Variants in KDM8 observed in about 807,000 individuals in gnomAD.
The protein encoded by KDM8 is lysine demethylase 8, also known as bifunctional peptidase and arginyl-hydroxylase JMJD5.
Under a neutral mutation model 46.9 loss-of-function variants are expected in KDM8, and 35 were observed. That is an observed-to-expected ratio of 0.75 (90% CI 0.57 to 0.99). The LOEUF (loss-of-function observed/expected upper bound fraction) is 0.99, where lower values mean the gene tolerates loss of function less well. Ranked by LOEUF, KDM8 falls within the 50% of genes least tolerant of loss-of-function variation. The probability of loss-of-function intolerance (pLI) is 0.00; values close to 1 mark genes in which losing one functional copy is unlikely to be tolerated. For synonymous variants in KDM8, 232 were observed against 227.7 expected (o/e 1.02, Z -0.17); for missense variants, 475 against 537.0 (o/e 0.88, Z 1.14).
At chr16:27,213,303 T>G (rs919709868) in intron 2 of KDM8, 2 of 313,912 alleles carry the variant, frequency 6.4e-6, no homozygotes, top group South Asian at 4.0e-5. Flanking sequence ...CTTAAGATGG[T>G]GAAGTTGGAG....
intron 1 of KDM8, chr16:27,204,136 G>C (rs1456776342): frequency 6.5e-7 from 1 of 1,541,654 alleles, no homozygotes; most frequent in African/African-American, 1.4e-5. Flanking sequence ...GCTGAGGAGG[G>C]AAGGGGGTCT....
Position 27,210,503 on chromosome 16 carries a change from T to C in KDM8, c.380T>C (p.Leu127Pro). 6.4e-7 allele frequency: 1 copy of C among 1,565,640 alleles called. No individual in the cohort carries two copies. The highest frequency in any genetic ancestry group is 1.2e-5 in the South Asian group (1 of 83,912). The part of the protein sequence containing the change: ...AAALRVCDMG[L>P]LMGAAILGDI... ...GCCCTGCGGGTCTGTGACATGGGCC[T>C]GCTGATGGGGGCAGCCATCCTGGGG... is the stretch of plus-strand genomic sequence containing the variant. The change falls in exon 2 of 8, where the codon CTG (leucine) becomes CCG (proline). Residue 127 changes from leucine (L) to proline (P), a missense_variant. Leu to Pro is a moderately conservative substitution (Grantham distance 98, BLOSUM62 -3). Transcript: ENST00000286096.
chr16:27,206,612 T>G (rs1222433301), intron 1 of KDM8, among the ~76,000 whole-genome samples: 1 of 152,212 alleles, frequency 6.6e-6, no homozygotes, highest in Non-Finnish European at 1.5e-5. Context: ...TGAGGAGTTC[T>G]GGGAAGCCAA....
Position 27,219,023 on chromosome 16 carries a change from G to A in KDM8, c.906G>A (p.Glu302=). 6 of 1,614,014 alleles carry A rather than the reference G, an allele frequency of 3.7e-6. No homozygotes were observed. The highest frequency in any genetic ancestry group is 5.1e-6 in the Non-Finnish European group (6 of 1,179,956). ...ACTGCAGCCTGGGCGATGGGGAGGA[G>A]GAGGAAATCACCATCAATGCCTGGT... ...PDYCSLGDGE[E]EEITINAWFG... The change falls in exon 6 of 8, where the codon GAG becomes GAA. Residue 302 remains glutamate (E), a synonymous_variant. Coordinates refer to ENST00000286096, the MANE Select transcript of KDM8 (RefSeq NM_024773.3).
rs371657881 is a variant in KDM8 at position 27,216,305 on chromosome 16, C to T, written c.843+316C>T. On this transcript the variant is annotated intron_variant, in intron 5 of 7. Transcript: ENST00000286096. The stretch of plus-strand genomic sequence containing the variant: ...GCTGGCAGGTGGAGCAGTTCAAGAC[C>T]GGTGTGAACCACCGAGCCCTGGACG... Among the ~76,000 whole-genome samples, 14 of 151,984 alleles carry T rather than the reference C, an allele frequency of 9.2e-5. No homozygotes were observed. In the East Asian group the frequency reaches 2.1e-3, roughly 23 times the overall value.
At chr16:27,219,460 G>A (rs1040797534) in intron 6 of KDM8, among the ~76,000 whole-genome samples, 1 of 152,230 alleles carries the variant, frequency 6.6e-6, no homozygotes, top group Non-Finnish European at 1.5e-5. Flanking sequence ...TGGCAGGTTG[G>A]GGGAGGAGTT....
intron 1 of KDM8, 48 bp from the exon 2 acceptor site, chr16:27,210,045 A>T: frequency 6.6e-7 from 1 of 1,514,096 alleles, no homozygotes; most frequent in African/African-American, 1.4e-5. Flanking sequence ...TGCACAGGGG[A>T]TCAGGTCTGT....
chr16:27,220,363 C>T (rs1227696246), intron 6 of KDM8, 30 bp from the exon 7 acceptor site: 3 of 1,596,938 alleles, frequency 1.9e-6, no homozygotes, highest in Middle Eastern at 1.7e-4. Context: ...AGTGAGGCCA[C>T]CAGCTGACTG....
chr16:27,205,503 A>G (rs1481233539), intron 1 of KDM8, among the ~76,000 whole-genome samples: 1 of 152,234 alleles, frequency 6.6e-6, no homozygotes, highest in East Asian at 1.9e-4. Flanking sequence ...AGCCCACTCA[A>G]GCTGTTTCTA....
At chr16:27,208,755 T>C (rs2083451178) in intron 1 of KDM8, among the ~76,000 whole-genome samples, 1 of 152,164 alleles carries the variant, frequency 6.6e-6, no homozygotes, top group African/African-American at 2.4e-5. Context: ...GCCTAGTGGA[T>C]AAGTCCATGC....
chr16:27,215,819 A>G, intron 4 of KDM8, 126 bp from the exon 5 acceptor site: 10 of 970,890 alleles, frequency 1.0e-5, no homozygotes, highest in Non-Finnish European at 1.7e-6. Context: ...GGAGAGGACC[A>G]CTCAGGATGG....
rs1414111669 is a variant in KDM8 at position 27,203,531 on chromosome 16, T to A, written c.-137T>A. ...ACGAGCGGTGAGCGATCGATACTCC[T>A]ATGCTAGCCTCTGGCTCCTCAGGGG... On this transcript the variant is annotated 5_prime_UTR_variant, in exon 1 of 8. Transcript: ENST00000286096. The A allele has an allele frequency of 6.5e-6, 1 of 152,760 alleles. No individual in the cohort carries two copies. Among genetic ancestry groups the A allele is most frequent in the Non-Finnish European group, 1.5e-5 (1 of 68,150 alleles). The allele number at this position is 152,760 out of a possible 1,614,324, so 9.5% of individuals were successfully genotyped here. A position where few individuals can be genotyped will look rare whatever the true frequency, so the allele number is the denominator to read the frequency against.
chr16:27,220,039 A>G (rs1408713630), intron 6 of KDM8, among the ~76,000 whole-genome samples: 3 of 151,902 alleles, frequency 2.0e-5, no homozygotes, highest in Non-Finnish European at 2.9e-5. Flanking sequence ...ACATATTAAA[A>G]CCTAATCTCT....
chr16:27,203,873 T>C (rs1037434937), intron 1 of KDM8: 26 of 448,928 alleles, frequency 5.8e-5, no homozygotes, highest in Middle Eastern at 5.8e-4. Context: ...CGCGTGCGTA[T>C]GCTCGTCTCT....
rs1328426115 is a variant in KDM8 at position 27,210,484 on chromosome 16, C to T, written c.361C>T (p.Arg121Trp). Reference sequence around the variant, plus strand: ...TGCCAACACTGTGGCCGCAGCCCTGCGGGTCTGTGACATGGGCCTGCTGAT... The same window carrying T: ...TGCCAACACTGTGGCCGCAGCCCTGTGGGTCTGTGACATGGGCCTGCTGAT... ...EDANTVAAALRVCDMGLLMGA... is the reference protein window; with the variant it reads ...EDANTVAAALWVCDMGLLMGA... Residue 121 changes from arginine (R) to tryptophan (W), a missense_variant, in exon 2 of 8, where the codon CGG becomes TGG. Physicochemically the swap from Arg to Trp is moderately radical, Grantham distance 101. Transcript: ENST00000286096. The T allele has an allele frequency of 7.0e-6, 11 of 1,579,692 alleles. No homozygotes were observed. Among genetic ancestry groups the T allele is most frequent in the South Asian group, 1.2e-5 (1 of 86,266 alleles).
At chr16:27,203,726 T>C (rs924447900) in intron 1 of KDM8, 90 bp downstream of exon 1, 15 of 227,588 alleles carry the variant, frequency 6.6e-5, no homozygotes. Flanking sequence ...GCAGGCGTCA[T>C]GTGAAGCAGC....
chr16:27,204,201 G>C, intron 1 of KDM8: 1 of 1,466,922 alleles, frequency 6.8e-7, no homozygotes, highest in African/African-American at 1.5e-5. Context: ...TGGGGCCTGG[G>C]TGTGTGACTG....
At position 27,221,039 on chromosome 16, in the gene KDM8, C is replaced by T. The variant is rs1007565137; in HGVS notation, c.*309C>T. 1.7e-5 allele frequency: 7 copies of T among 421,580 alleles called. No homozygotes were observed. In the Admixed American group the frequency reaches 1.8e-4, roughly 11 times the overall value. 26.1% of individuals were successfully genotyped at this position (421,580 alleles called of 1,614,324 possible). On this transcript the variant is annotated 3_prime_UTR_variant, in exon 8 of 8. Coordinates refer to ENST00000286096, the MANE Select transcript of KDM8 (RefSeq NM_024773.3). ...CAGAAAGCCGAATGTTTTTGGGAAA[C>T]GGGTGGGTCACACAGGCAGGGGTGA... is the stretch of plus-strand genomic sequence containing the variant.
chr16:27,210,369 C>T lies in KDM8; in HGVS notation c.246C>T (p.Gly82=). The change falls in exon 2 of 8, where the codon GGC becomes GGT. Residue 82 remains glycine (G), a synonymous_variant. Transcript: ENST00000286096. ...LDYSWEKLNT[G]TWQDVDKDWR... Reference sequence around the variant, plus strand: ...ACTCCTGGGAGAAGCTCAACACGGGCACATGGCAGGACGTAGACAAAGACT... The same window carrying T: ...ACTCCTGGGAGAAGCTCAACACGGGTACATGGCAGGACGTAGACAAAGACT... 1.9e-6 allele frequency: 3 copies of T among 1,613,412 alleles called. No individual in the cohort carries two copies. Among genetic ancestry groups the T allele is most frequent in the Non-Finnish European group, 2.5e-6 (3 of 1,180,018 alleles).
Sources: allele counts gnomAD v4.1 joint callset (sites outside exome capture counted in the v4.1 genomes callset), GRCh38; gene constraint gnomAD v4.1.1; transcripts MANE v1.5; gene names NCBI Gene and HGNC (gene_info 2026-07-23, HGNC 2026-07-21).